The following PTPRD variants were observed in gnomAD, a reference collection of about 807,000 sequenced individuals.
PTPRD encodes protein tyrosine phosphatase receptor type D, also known as receptor-type tyrosine-protein phosphatase delta.
In PTPRD, 34 loss-of-function variants were observed where a neutral mutation model predicts 214.5. The ratio of observed to expected loss-of-function variants is 0.16; its 90% CI spans 0.12 to 0.21. The LOEUF is 0.21. PTPRD is among the 10% of genes least tolerant of loss of function. PTPRD has a pLI of 1.00. For missense variants in PTPRD, 2,545 were observed against 2,398.7 expected, an observed-to-expected ratio of 1.06 and a Z score of -1.27; for synonymous variants, 1,128 against 845.7, an observed-to-expected ratio of 1.33 and a Z score of -5.79.
At chr9:10,229,693 G>T (rs903442024) in intron 3 of PTPRD, among the ~76,000 whole-genome samples, 2 of 148,128 alleles carry the variant, frequency 1.4e-5, no homozygotes, top group African/African-American at 5.0e-5. Context: ...CACACTCCGG[G>T]GATGGTTGTG....
At chr9:9,342,945 A>G (rs935943829) in intron 9 of PTPRD, among the ~76,000 whole-genome samples, 2 of 151,714 alleles carry the variant, frequency 1.3e-5, no homozygotes, top group Non-Finnish European at 2.9e-5. Context: ...ATGTGTTCTC[A>G]TTGTTCAACT....
At chr9:8,717,159 GA>G (rs913076696) in intron 12 of PTPRD, among the ~76,000 whole-genome samples, 2 of 152,070 alleles carry the variant, frequency 1.3e-5, no homozygotes, top group African/African-American at 4.8e-5. Context: ...ATTAAAGAAA[GA>G]AAAGTTAGAC....
intron 9 of PTPRD, among the ~76,000 whole-genome samples, chr9:9,376,526 A>T (rs1486627143): frequency 1.3e-5 from 2 of 152,164 alleles, no homozygotes; most frequent in African/African-American, 2.4e-5. Context: ...CTTCACTTAA[A>T]AGAAATTTGG....
intron 2 of PTPRD, among the ~76,000 whole-genome samples, chr9:10,353,265 A>C (rs2097212716): frequency 1.3e-5 from 2 of 151,962 alleles, no homozygotes; most frequent in Non-Finnish European, 2.9e-5. Flanking sequence ...TAATGTTCTT[A>C]CAAAAAACAC....
chr9:9,592,763 T>G (rs970707321), intron 7 of PTPRD, among the ~76,000 whole-genome samples: 1 of 151,856 alleles, frequency 6.6e-6, no homozygotes, highest in Admixed American at 6.6e-5. Context: ...ATTATATGGC[T>G]GTAGGGCATG....
chr9:8,649,771 G>C (rs562096080), intron 12 of PTPRD, among the ~76,000 whole-genome samples: 5 of 152,202 alleles, frequency 3.3e-5, no homozygotes, highest in Non-Finnish European at 7.4e-5. Context: ...ATTTCCTAAG[G>C]AAAGTCTATA....
chr9:9,977,361 T>A (rs1232360261), intron 4 of PTPRD, among the ~76,000 whole-genome samples: 1 of 152,186 alleles, frequency 6.6e-6, no homozygotes, highest in African/African-American at 2.4e-5. Context: ...AATACATTTA[T>A]AAATATAATG....
At chr9:9,541,196 A>G (rs1030696208) in intron 8 of PTPRD, among the ~76,000 whole-genome samples, 8 of 151,780 alleles carry the variant, frequency 5.3e-5, no homozygotes, top group Non-Finnish European at 7.4e-5. Context: ...GTCCAGGCAA[A>G]GTTAGAAGTG....
chr9:9,486,219 C>G (rs1355809355), intron 8 of PTPRD, among the ~76,000 whole-genome samples: 2 of 145,592 alleles, frequency 1.4e-5, no homozygotes, highest in Admixed American at 6.9e-5. Context: ...GAGCTCCCTC[C>G]TATGCATTTG....
chr9:8,670,799 T>C (rs2097268023), intron 12 of PTPRD, among the ~76,000 whole-genome samples: 1 of 152,040 alleles, frequency 6.6e-6, no homozygotes, highest in Non-Finnish European at 1.5e-5. Context: ...GACCACTGGG[T>C]ATGTGAAATG....
intron 7 of PTPRD, among the ~76,000 whole-genome samples, chr9:9,672,252 A>G (rs1231041214): frequency 1.3e-5 from 2 of 152,204 alleles, no homozygotes; most frequent in Admixed American, 6.5e-5. Context: ...AGCAAATTCT[A>G]TCATCTAAAG....
chr9:9,208,372 A>T (rs1372421967), intron 9 of PTPRD, among the ~76,000 whole-genome samples: 1 of 151,658 alleles, frequency 6.6e-6, no homozygotes, highest in African/African-American at 2.4e-5. Flanking sequence ...CTGGTTTTTA[A>T]AAGTTGTTTC....
At chr9:8,324,007 C>T (rs553812588) in intron 44 of PTPRD, among the ~76,000 whole-genome samples, 14 of 152,158 alleles carry the variant, frequency 9.2e-5, no homozygotes, top group South Asian at 6.2e-4. Flanking sequence ...CAGAAACCAC[C>T]GCCCATCGAT....
chr9:8,581,604 T>G (rs983251402), intron 14 of PTPRD, among the ~76,000 whole-genome samples: 1 of 151,942 alleles, frequency 6.6e-6, no homozygotes, highest in Admixed American at 6.6e-5. Context: ...AAAAATTAGC[T>G]GGGCATGGTG....
intron 3 of PTPRD, among the ~76,000 whole-genome samples, chr9:10,308,111 T>C (rs2096144412): frequency 6.6e-6 from 1 of 152,038 alleles, no homozygotes; most frequent in African/African-American, 2.4e-5. Flanking sequence ...TGCCTGTACT[T>C]TTCAGGTGTT....
Position 8,733,903 on chromosome 9 carries a change from C to A in PTPRD, c.-60G>T, listed in dbSNP as rs376893644. ...GGAATCACTGCCTCCGGAGCCGCAG[C>A]GAGTCTGTCCGATCTGAAATTTCAG... On this transcript the variant is annotated 5_prime_UTR_variant, in exon 12 of 46. Transcript: ENST00000381196. 6.7e-7 allele frequency: 1 copy of A among 1,493,148 alleles called. No homozygotes were observed. The highest frequency in any genetic ancestry group is 2.5e-5 in the East Asian group (1 of 40,564). 92.5% of individuals were successfully genotyped at this position (1,493,148 alleles called of 1,614,324 possible).
chr9:10,089,590 G>C (rs2098404816), intron 3 of PTPRD, among the ~76,000 whole-genome samples: 1 of 151,644 alleles, frequency 6.6e-6, no homozygotes, highest in Non-Finnish European at 1.5e-5. Flanking sequence ...TCATGATCTA[G>C]GTGATTAAGT....
intron 4 of PTPRD, among the ~76,000 whole-genome samples, chr9:10,028,397 C>T (rs1217007): frequency 0.39 from 59,352 of 151,982 alleles, 13,729 homozygotes; most frequent in African/African-American, 0.64. Flanking sequence ...AAATGTGGAA[C>T]TGACTTCAGA....
intron 9 of PTPRD, among the ~76,000 whole-genome samples, chr9:9,350,279 T>C (rs1487057997): frequency 6.6e-6 from 1 of 152,110 alleles, no homozygotes; most frequent in Non-Finnish European, 1.5e-5. Flanking sequence ...ATTAGAAAGC[T>C]CAGAAGCAAA....
Sources: gnomAD v4.1 joint callset for allele counts (sites outside exome capture counted in the v4.1 genomes callset) on GRCh38, gnomAD v4.1.1 for gene constraint, MANE v1.5 for transcripts, NCBI Gene and HGNC (gene_info 2026-07-23, HGNC 2026-07-21) for gene names.